The following MICAL3 variants were observed in gnomAD, a reference collection of about 807,000 sequenced individuals.
MICAL3 encodes the protein microtubule associated monooxygenase, calponin and LIM domain containing 3.
A neutral mutation model predicts 207.4 loss-of-function variants in MICAL3; 62 were observed. The ratio of observed to expected loss-of-function variants is 0.30; its 90% CI spans 0.24 to 0.37. MICAL3 has a LOEUF of 0.37. MICAL3 is among the 10% of genes least tolerant of loss of function. The pLI is 1.00. For synonymous variants in MICAL3, 1,077 were observed against 1,069.3 expected, an observed-to-expected ratio of 1.01 and a Z score of -0.14; for missense variants, 2,368 against 2,635.6, an observed-to-expected ratio of 0.90 and a Z score of 2.22.
intron 20 of MICAL3, chr22:17,839,925 A>ATT (rs1923832419): frequency 9.4e-6 from 1 of 106,938 alleles, no homozygotes; most frequent in Admixed American, 9.6e-5. Context: ...ACTTTTAATT[A>ATT]TCTTTTTTTT....
At chr22:17,829,990 G>A (rs1317062279) in intron 21 of MICAL3, among the ~76,000 whole-genome samples, 3 of 152,204 alleles carry the variant, frequency 2.0e-5, no homozygotes, top group Non-Finnish European at 4.4e-5. Flanking sequence ...TTGTCTGTGA[G>A]ACATGCTCTT....
chr22:17,861,134 G>C, intron 19 of MICAL3: 1 of 985,376 alleles, frequency 1.0e-6, no homozygotes, highest in Non-Finnish European at 1.2e-6. Flanking sequence ...GGAAGGGGAC[G>C]TGGGAAGCAG....
intron 1 of MICAL3, among the ~76,000 whole-genome samples, chr22:17,924,638 C>T (rs1932873781): frequency 6.6e-6 from 1 of 152,076 alleles, no homozygotes. Context: ...AATATGAAAT[C>T]CAAAACACAT....
chr22:17,881,224 C>G, intron 16 of MICAL3: 1 of 1,612,510 alleles, frequency 6.2e-7, no homozygotes, highest in Non-Finnish European at 8.5e-7. Context: ...GCCATGTGCC[C>G]GACAGGGAGG....
chr22:17,865,909 G>A lies in MICAL3; in HGVS notation c.2517+15C>T. 5.6e-6 allele frequency: 9 copies of A among 1,604,638 alleles called. No individual in the cohort carries two copies. Among genetic ancestry groups the A allele is most frequent in the Non-Finnish European group, 7.7e-6 (9 of 1,171,404 alleles). On this transcript the variant is annotated intron_variant, in intron 18 of 31. Transcript: ENST00000441493. ...CCCACTGCTTCTCCCCCACTTACAGGAGAGTCACCATTACCTTTCCAGACA... is the reference window on the plus strand; with the variant it reads ...CCCACTGCTTCTCCCCCACTTACAGAAGAGTCACCATTACCTTTCCAGACA...
intron 1 of MICAL3, among the ~76,000 whole-genome samples, chr22:18,000,774 G>A (rs1469519830): frequency 1.3e-5 from 2 of 152,210 alleles, no homozygotes; most frequent in Non-Finnish European, 2.9e-5. Flanking sequence ...AAACGGAAAG[G>A]CGCGCCGGGG....
At chr22:17,809,160 C>T (rs115787807) in intron 28 of MICAL3, among the ~76,000 whole-genome samples, 8,232 of 152,256 alleles carry the variant, frequency 0.054, 286 homozygotes, top group African/African-American at 0.098. Context: ...CATCAAAGCG[C>T]GTGGACGTGA....
chr22:17,845,323 G>GACGTGGGTA (rs1208454431), intron 19 of MICAL3, among the ~76,000 whole-genome samples: 9 of 152,312 alleles, frequency 5.9e-5, no homozygotes, highest in African/African-American at 2.2e-4. Flanking sequence ...GCGTCTGTTT[G>GACGTGGGTA]ACGTGGGTAA....
chr22:17,997,681 C>G (rs544140171), intron 1 of MICAL3, among the ~76,000 whole-genome samples: 79 of 152,270 alleles, frequency 5.2e-4, no homozygotes, highest in African/African-American at 1.8e-3. Context: ...CCCAGCCCTG[C>G]TTTCAGTCAA....
At chr22:17,884,600 A>C (rs979170461) in intron 16 of MICAL3, among the ~76,000 whole-genome samples, 1 of 152,236 alleles carries the variant, frequency 6.6e-6, no homozygotes, top group African/African-American at 2.4e-5. Context: ...TGTAATACGC[A>C]TCATCTCTTT....
chr22:17,797,314 A>G (rs1428765543), intron 29 of MICAL3, among the ~76,000 whole-genome samples: 1 of 152,098 alleles, frequency 6.6e-6, no homozygotes, highest in Admixed American at 6.5e-5. Flanking sequence ...CAGCCTGGGC[A>G]ATGCAGTGAG....
In MICAL3 at chr22:17,881,277, G is replaced by C. The variant is rs752265139; in HGVS notation, c.2241+4601C>G. On this transcript the variant is annotated intron_variant, in intron 16 of 31. Transcript: ENST00000441493. ...ACAGGGTGATCACTTTTTTGGGGCA[G>C]GTCCGAGAACACTCCTTTTCCCGTT... The C allele has an allele frequency of 8.7e-6, 14 of 1,610,640 alleles. No homozygotes were observed. The Admixed American group carries it at 2.4e-4, about 27-fold the overall frequency.
intron 19 of MICAL3, among the ~76,000 whole-genome samples, chr22:17,852,576 C>T (rs934841671): frequency 1.3e-5 from 2 of 152,228 alleles, no homozygotes; most frequent in African/African-American, 4.8e-5. Context: ...GGTCTATCAT[C>T]ACCCATAAAA....
intron 15 of MICAL3, 75 bp from the exon 16 acceptor site, chr22:17,886,126 C>T: frequency 6.6e-7 from 1 of 1,509,046 alleles, no homozygotes. Context: ...CACAGAAGTG[C>T]ACTCAGGACC....
chr22:17,827,631 T>C lies in MICAL3; in HGVS notation c.3193+13A>G. ...CTCGGGGCACACTGCGGCCTGGGGCTGGGAGTGTTTACCTCCGGAAGCAGA... is the reference window on the plus strand; with the variant it reads ...CTCGGGGCACACTGCGGCCTGGGGCCGGGAGTGTTTACCTCCGGAAGCAGA... On this transcript the variant is annotated intron_variant, in intron 22 of 31. Coordinates refer to ENST00000441493, the MANE Select transcript of MICAL3 (RefSeq NM_015241.3). 1 of 1,554,636 alleles carries C rather than the reference T, an allele frequency of 6.4e-7. No homozygotes were observed. Among genetic ancestry groups the C allele is most frequent in the Non-Finnish European group, 8.7e-7 (1 of 1,149,406 alleles).
chr22:17,940,157 T>C (rs1278444877), intron 1 of MICAL3, among the ~76,000 whole-genome samples: 1 of 152,236 alleles, frequency 6.6e-6, no homozygotes, highest in Non-Finnish European at 1.5e-5. Flanking sequence ...CAATTGTCAT[T>C]TTACTATCTG....
chr22:17,849,686 G>GTGT (rs1925069377), intron 19 of MICAL3, among the ~76,000 whole-genome samples: 3 of 56,198 alleles, frequency 5.3e-5, no homozygotes, highest in Admixed American at 2.2e-4. Flanking sequence ...GTGTGTGTGT[G>GTGT]TATTTTTTTT....
At chr22:17,996,481 G>C (rs1687492322) in intron 1 of MICAL3, among the ~76,000 whole-genome samples, 1 of 151,614 alleles carries the variant, frequency 6.6e-6, no homozygotes, top group East Asian at 1.9e-4. Flanking sequence ...TGCAAGGCTT[G>C]GGGTGACAGT....
At chr22:17,853,945 T>C (rs1925615712) in intron 19 of MICAL3, among the ~76,000 whole-genome samples, 1 of 152,174 alleles carries the variant, frequency 6.6e-6, no homozygotes, top group Non-Finnish European at 1.5e-5. Flanking sequence ...CACTAGGAAG[T>C]GTGTTCACGG....
Sources: gnomAD v4.1 joint callset for allele counts (sites outside exome capture counted in the v4.1 genomes callset) on GRCh38, gnomAD v4.1.1 for gene constraint, MANE v1.5 for transcripts, NCBI Gene and HGNC (gene_info 2026-07-23, HGNC 2026-07-21) for gene names.